The following NPIPA5 variants were observed in gnomAD, a reference collection of about 807,000 sequenced individuals.
NPIPA5 encodes the protein nuclear pore complex interacting protein family member A5.
NPIPA5 carries 6 observed loss-of-function variants against 21.4 expected under a neutral mutation model. The observed-to-expected ratio is 0.28, with a 90% CI of 0.15 to 0.55. The LOEUF (loss-of-function observed/expected upper bound fraction) is 0.55, where lower values mean the gene tolerates loss of function less well. Ranked by LOEUF, NPIPA5 falls within the 20% of genes least tolerant of loss-of-function variation. The pLI is 0.93. For synonymous variants in NPIPA5, 33 were observed against 115.3 expected (o/e 0.29, Z 4.57); for missense variants, 99 against 318.2 (o/e 0.31, Z 5.24).
upstream of NPIPA5, among the ~76,000 whole-genome samples, chr16:15,379,841 G>C (rs2050394082): frequency 6.6e-6 from 1 of 151,916 alleles, no homozygotes; most frequent in South Asian, 2.1e-4. Context: ...GCTACTCAGA[G>C]GCTGAGGCAG....
intron 1 of NPIPA5, among the ~76,000 whole-genome samples, chr16:15,374,417 T>C (rs1305890320): frequency 1.3e-5 from 2 of 151,814 alleles, no homozygotes; most frequent in Non-Finnish European, 2.9e-5. Flanking sequence ...CAGTCTGGCC[T>C]TGAACTCCTG....
chr16:15,365,807 C>T (rs1214536865), intron 5 of NPIPA5, among the ~76,000 whole-genome samples, 173 bp from the exon 6 acceptor site: 7 of 12,322 alleles, frequency 5.7e-4, no homozygotes, highest in African/African-American at 1.4e-3. Context: ...CGGTGGCTGA[C>T]GCCTGTAATC....
chr16:15,379,552 GC>G (rs1314216774), upstream of NPIPA5, among the ~76,000 whole-genome samples: 1 of 151,854 alleles, frequency 6.6e-6, no homozygotes, highest in Non-Finnish European at 1.5e-5. Flanking sequence ...AGGCGACAGA[GC>G]GAGACTCTGT....
intron 2 of NPIPA5, among the ~76,000 whole-genome samples, chr16:15,371,778 C>T (rs541047142): frequency 2.1e-5 from 3 of 142,574 alleles, no homozygotes; most frequent in South Asian, 4.7e-4. Context: ...GCTGGGATTA[C>T]AGGCATGAGC....
rs1310110976 is a variant in NPIPA5 at position 15,363,653 on chromosome 16, T to C, written c.*6A>G. ...TTTTATTTTTATATTATTTATTTAT[T>C]CTTCATTAGTTTCTTGAGATTATCA... On this transcript the variant is annotated 3_prime_UTR_variant, in exon 8 of 8. Coordinates refer to ENST00000360151, the MANE Select transcript of NPIPA5 (RefSeq NM_001277325.2). 7.2e-6 allele frequency: 11 copies of C among 1,537,234 alleles called. 2 individuals carry two copies. The highest frequency in any genetic ancestry group is 9.6e-6 in the Non-Finnish European group (11 of 1,146,230).
chr16:15,370,751 CA>C (rs1307591913), intron 2 of NPIPA5, among the ~76,000 whole-genome samples: 1,236 of 104,510 alleles, frequency 0.012, 33 homozygotes, highest in African/African-American at 0.03. Flanking sequence ...AACTCTGTCT[CA>C]AAAAAAAAAA....
intron 2 of NPIPA5, among the ~76,000 whole-genome samples, chr16:15,370,422 T>TCACACACA (rs576379543): frequency 8.4e-5 from 10 of 118,392 alleles, no homozygotes; most frequent in Non-Finnish European, 1.6e-4. Context: ...TGAGACTCTG[T>TCACACACA]CACACACACA....
upstream of NPIPA5, among the ~76,000 whole-genome samples, chr16:15,379,819 C>A (rs1321061166): frequency 6.6e-6 from 1 of 151,878 alleles, no homozygotes; most frequent in African/African-American, 2.4e-5. Flanking sequence ...GTGGCGCATA[C>A]CTGTAGTCCC....
chr16:15,380,974 T>C, upstream of NPIPA5: 2 of 1,479,128 alleles, frequency 1.4e-6, no homozygotes, highest in Non-Finnish European at 1.8e-6. Context: ...TACGTGCTGC[T>C]GCAGCTCCTT....
rs867110315 is a variant in NPIPA5 at position 15,363,740 on chromosome 16, C to T, written c.972G>A (p.Ala324=). The change falls in exon 8 of 8, where the codon GCG becomes GCA. Residue 324 remains alanine, a synonymous_variant. Coordinates refer to ENST00000360151, the MANE Select transcript of NPIPA5 (RefSeq NM_001277325.2). ...CGGGAGGTGTCTTGAGATTATCATC[C>T]GCTGAGGGTGGAGCTGAGGGTGGAA... ...TPLPPSAPPS[A]DDNLKTPPEC... The T allele has an allele frequency of 3.6e-5, 51 of 1,417,632 alleles. No individual in the cohort carries two copies. Among genetic ancestry groups the T allele is most frequent in the Non-Finnish European group, 3.6e-5 (39 of 1,072,432 alleles). 87.8% of individuals were successfully genotyped at this position (1,417,632 alleles called of 1,614,324 possible). A position where few individuals can be genotyped will look rare whatever the true frequency, so the allele number is the denominator to read the frequency against.
At chr16:15,379,971 G>T (rs201017677), upstream of NPIPA5, among the ~76,000 whole-genome samples, 1 of 148,080 alleles carries the variant, frequency 6.8e-6, no homozygotes, top group Admixed American at 6.7e-5. Flanking sequence ...ATATATATAT[G>T]TGTGTGTGTG....
At chr16:15,371,856 A>C (rs1051851510) in intron 2 of NPIPA5, among the ~76,000 whole-genome samples, 3 of 145,072 alleles carry the variant, frequency 2.1e-5, no homozygotes, top group African/African-American at 7.4e-5. Context: ...TGATTTCTGC[A>C]CATAGGATAA....
intron 1 of NPIPA5, among the ~76,000 whole-genome samples, chr16:15,377,752 T>TCCGGTTCAAATTAAGTTCTC: frequency 7.0e-6 from 1 of 143,062 alleles, no homozygotes; most frequent in Non-Finnish European, 1.5e-5. Context: ...TGGGAAAGGA[T>TCCGGTTCAAATTAAGTTCTC]CCGGTTCAAA....
chr16:15,376,132 G>C (rs1281974503), intron 1 of NPIPA5, among the ~76,000 whole-genome samples: 4 of 151,862 alleles, frequency 2.6e-5, no homozygotes, highest in Non-Finnish European at 5.9e-5. Context: ...CTATGGCATG[G>C]CATGCATCTG....
chr16:15,368,286 G>C (rs879236731), intron 4 of NPIPA5, among the ~76,000 whole-genome samples: 2 of 150,992 alleles, frequency 1.3e-5, no homozygotes, highest in African/African-American at 4.9e-5. Context: ...CATCAGAATA[G>C]AGGTGGACAG....
At chr16:15,369,450 GAAA>G (rs879091675) in intron 4 of NPIPA5, among the ~76,000 whole-genome samples, 1 of 132,914 alleles carries the variant, frequency 7.5e-6, no homozygotes. Flanking sequence ...TCCGTCTCAG[GAAA>G]AAAAAAAAAA....
chr16:15,368,548 T>A (rs2050046983), intron 4 of NPIPA5, among the ~76,000 whole-genome samples: 2 of 151,342 alleles, frequency 1.3e-5, no homozygotes, highest in African/African-American at 4.9e-5. Context: ...AAAATGAATC[T>A]GGAGGTGACC....
upstream of NPIPA5, among the ~76,000 whole-genome samples, chr16:15,379,905 T>C (rs934809200): frequency 4.0e-5 from 6 of 151,336 alleles, no homozygotes; most frequent in African/African-American, 1.5e-4. Context: ...GATTGTGCCA[T>C]TGCACTCCAG....
chr16:15,368,242 C>A (rs1423417114), intron 4 of NPIPA5, among the ~76,000 whole-genome samples: 1 of 148,526 alleles, frequency 6.7e-6, no homozygotes, highest in Non-Finnish European at 1.5e-5. Context: ...ATACTGAAGT[C>A]CACTGGCTCT....
Sources: gnomAD v4.1 joint callset for allele counts (sites outside exome capture counted in the v4.1 genomes callset) on GRCh38, gnomAD v4.1.1 for gene constraint, MANE v1.5 for transcripts, NCBI Gene and HGNC (gene_info 2026-07-23, HGNC 2026-07-21) for gene names.